Variants in UGT1A5 observed in about 807,000 individuals in gnomAD.
UGT1A5 encodes the protein UDP glucuronosyltransferase family 1 member A5.
A neutral mutation model predicts 40.3 loss-of-function variants in UGT1A5; 29 were observed. The observed-to-expected ratio is 0.72, with a 90% CI of 0.54 to 0.98. The LOEUF (loss-of-function observed/expected upper bound fraction) is 0.98. Among genes scored for constraint, UGT1A5 ranks in the 50% least tolerant of loss-of-function variants. UGT1A5 has a pLI of 0.00. For missense variants in UGT1A5, 678 were observed against 677.9 expected (o/e 1.00, Z 0.00); for synonymous variants, 257 against 262.5 (o/e 0.98, Z 0.20).
intron 1 of UGT1A5, among the ~76,000 whole-genome samples, chr2:233,723,589 G>T (rs2077103312): frequency 9.1e-6 from 1 of 109,944 alleles, no homozygotes; most frequent in Non-Finnish European, 1.8e-5. Context: ...GGGGGATTTG[G>T]CAGGGTCATG....
intron 1 of UGT1A5, among the ~76,000 whole-genome samples, chr2:233,715,544 G>A (rs1354497871): frequency 6.6e-6 from 1 of 152,116 alleles, no homozygotes; most frequent in Non-Finnish European, 1.5e-5. Flanking sequence ...GACCGAGGGA[G>A]GAGGATTGCT....
intron 1 of UGT1A5, among the ~76,000 whole-genome samples, chr2:233,736,611 AT>A (rs2078784415): frequency 6.6e-6 from 1 of 151,912 alleles, no homozygotes; most frequent in East Asian, 1.9e-4. Context: ...GGTTTTTAGA[AT>A]TTTCAGCTTT....
At chr2:233,729,642 T>C (rs1273465947) in intron 1 of UGT1A5, 5 of 1,613,940 alleles carry the variant, frequency 3.1e-6, no homozygotes, top group South Asian at 2.2e-5. Context: ...CTGTGTTTTT[T>C]TTGAGGAACA....
At position 233,767,929 on chromosome 2, in the gene UGT1A5, T is replaced by A; in HGVS notation, c.1080T>A (p.Asp360Glu). 1 of 1,614,196 alleles carries A rather than the reference T, an allele frequency of 6.2e-7. No individual in the cohort carries two copies. Among genetic ancestry groups the A allele is most frequent in the South Asian group, 1.1e-5 (1 of 91,080 alleles). The change falls in exon 3 of 5, where the codon GAT becomes GAA. Residue 360 changes from aspartate to glutamate, a missense_variant. By Grantham distance (45) the Asp-to-Glu change is conservative. Coordinates refer to ENST00000373414, the MANE Select transcript of UGT1A5 (RefSeq NM_019078.2). ...TTGTTAAGTGGCTACCCCAAAACGA[T>A]CTGCTTGGTATGTTGGGCGGATTGG... ...TILVKWLPQN[D>E]LLGHPMTRAF...
At chr2:233,740,525 C>G (rs1027411226) in intron 1 of UGT1A5, among the ~76,000 whole-genome samples, 1 of 151,910 alleles carries the variant, frequency 6.6e-6, no homozygotes, top group Non-Finnish European at 1.5e-5. Context: ...GAACTAAAAT[C>G]AGCTGTGTTG....
chr2:233,724,299 A>C (rs1357747984), intron 1 of UGT1A5, among the ~76,000 whole-genome samples: 1 of 112,984 alleles, frequency 8.9e-6, no homozygotes, highest in Non-Finnish European at 1.8e-5. Flanking sequence ...TGACCCCCCC[A>C]CCTCCCTCCC....
At chr2:233,768,773 AG>A (rs1386504904) in intron 4 of UGT1A5, among the ~76,000 whole-genome samples, 1 of 151,734 alleles carries the variant, frequency 6.6e-6, no homozygotes, top group Non-Finnish European at 1.5e-5. Context: ...TAGTAGAGAA[AG>A]GGTTTCACCA....
In UGT1A5 at chr2:233,747,787, C is replaced by T. The variant is rs1693777925; in HGVS notation, c.868-19247C>T. On this transcript the variant is annotated intron_variant, in intron 1 of 4. Coordinates refer to ENST00000373414, the MANE Select transcript of UGT1A5 (RefSeq NM_019078.2). ...GGCACACAGTGTCCAAATCCTTCCTCCTATATTCCTAAGTTACTAACGACC... is the reference window on the plus strand; with the variant it reads ...GGCACACAGTGTCCAAATCCTTCCTTCTATATTCCTAAGTTACTAACGACC... The T allele has an allele frequency of 6.8e-6, 11 of 1,613,400 alleles. No homozygotes were observed. The South Asian group carries it at 1.2e-4, about 18-fold the overall frequency.
Position 233,748,090 on chromosome 2 carries a change from G to A in UGT1A5, c.868-18944G>A, listed in dbSNP as rs1277549661. 8.7e-6 allele frequency: 14 copies of A among 1,612,786 alleles called. No individual in the cohort carries two copies. The East Asian group carries it at 2.0e-4, about 23-fold the overall frequency. ...AAGCCACTATCTCAGGTCGGTGTTC[G>A]TGCCTTCATCCAATCAATGTTCCAG... On this transcript the variant is annotated intron_variant, in intron 1 of 4. Coordinates refer to ENST00000373414, the MANE Select transcript of UGT1A5 (RefSeq NM_019078.2).
At chr2:233,762,468 G>A (rs976449997) in intron 1 of UGT1A5, among the ~76,000 whole-genome samples, 1 of 152,122 alleles carries the variant, frequency 6.6e-6, no homozygotes, top group Non-Finnish European at 1.5e-5. Context: ...TAATGTCATG[G>A]ATATCACTCC....
At chr2:233,738,140 C>T (rs975001541) in intron 1 of UGT1A5, among the ~76,000 whole-genome samples, 3 of 152,224 alleles carry the variant, frequency 2.0e-5, no homozygotes, top group African/African-American at 7.2e-5. Context: ...CTTATCCCTT[C>T]ACTTGCAAGC....
At chr2:233,755,578 G>A (rs931050095) in intron 1 of UGT1A5, 38 of 160,002 alleles carry the variant, frequency 2.4e-4, no homozygotes, top group Non-Finnish European at 4.7e-4. Flanking sequence ...GGAAAAGAGA[G>A]GGCCTTGACT....
chr2:233,719,580 G>A (rs369777528), intron 1 of UGT1A5: 53 of 1,613,798 alleles, frequency 3.3e-5, no homozygotes, highest in East Asian at 4.5e-5. Flanking sequence ...CTATGCATCC[G>A]TGTGGCTGTT....
chr2:233,720,111 A>T (rs375337580), intron 1 of UGT1A5, among the ~76,000 whole-genome samples: 1 of 152,208 alleles, frequency 6.6e-6, no homozygotes, highest in African/African-American at 2.4e-5. Context: ...ATCTTGCGAA[A>T]GATACAGAGG....
chr2:233,756,999 G>C (rs889615552), intron 1 of UGT1A5, among the ~76,000 whole-genome samples: 1 of 151,918 alleles, frequency 6.6e-6, no homozygotes, highest in African/African-American at 2.4e-5. Context: ...AGCTGGCCAA[G>C]GGTAGAGTTC....
chr2:233,760,312 C>G (rs370790922), intron 1 of UGT1A5: 1 of 1,613,816 alleles, frequency 6.2e-7, no homozygotes, highest in East Asian at 2.2e-5. Context: ...CCAGGGCGGA[C>G]GCCCACTTGT....
intron 1 of UGT1A5, chr2:233,721,828 C>G (rs866134319): frequency 3.9e-6 from 2 of 516,354 alleles, no homozygotes; most frequent in Middle Eastern, 7.8e-4. Flanking sequence ...CTATTTGGGC[C>G]ACCGACCTTG....
At position 233,713,239 on chromosome 2, in the gene UGT1A5, C is replaced by T. The variant is rs2076295838; in HGVS notation, c.248C>T (p.Ser83Leu). ...TTCACCCTGACAACGTATGCCATTT[C>T]ATGGACCCAGGACGAATTTGATCGC... ...NFFTLTTYAI[S>L]WTQDEFDRLL... is the part of the protein sequence containing the mutation. Residue 83 changes from serine (S) to leucine (L), a missense_variant, in exon 1 of 5, where the codon TCA becomes TTA. By Grantham distance (145) the Ser-to-Leu change is moderately radical (BLOSUM62 -2). Transcript: ENST00000373414. 1.2e-6 allele frequency: 2 copies of T among 1,614,144 alleles called. No homozygotes were observed. The highest frequency in any genetic ancestry group is 1.7e-5 in the Admixed American group (1 of 60,010).
intron 1 of UGT1A5, chr2:233,743,882 C>A: frequency 2.9e-6 from 4 of 1,367,088 alleles, no homozygotes; most frequent in Non-Finnish European, 3.9e-6. Flanking sequence ...TGAGGCCTGC[C>A]GGGGCACGTC....
Sources: allele counts gnomAD v4.1 joint callset (sites outside exome capture counted in the v4.1 genomes callset), GRCh38; gene constraint gnomAD v4.1.1; transcripts MANE v1.5; gene names NCBI Gene and HGNC (gene_info 2026-07-23, HGNC 2026-07-21).